Variants in DHX9 observed in about 807,000 individuals in gnomAD.
The protein encoded by DHX9 is ATP-dependent RNA helicase A.
A neutral mutation model predicts 148.7 loss-of-function variants in DHX9; 27 were observed. The observed-to-expected ratio is 0.18, with a 90% CI of 0.13 to 0.25. DHX9 has a LOEUF of 0.25. DHX9 is among the 10% of genes least tolerant of loss of function. The pLI, the probability that DHX9 is intolerant of heterozygous loss-of-function variation, is 1.00. For synonymous variants in DHX9, 529 were observed against 516.6 expected, an observed-to-expected ratio of 1.02 and a Z score of -0.33; for missense variants, 796 against 1,559.6, an observed-to-expected ratio of 0.51 and a Z score of 8.25.
rs749550767 is a variant in DHX9 at position 182,854,026 on chromosome 1, A to G, written c.478-4A>G. 2.4e-5 allele frequency: 39 copies of G among 1,609,388 alleles called. No individual in the cohort carries two copies. The Admixed American group carries it at 4.2e-4, about 17-fold the overall frequency. On this transcript the variant is annotated splice_polypyrimidine_tract_variant and splice_region_variant and intron_variant, in intron 5 of 27. Coordinates refer to ENST00000367549, the MANE Select transcript of DHX9 (RefSeq NM_001357.5). The stretch of plus-strand genomic sequence containing the variant: ...GCCAAATTTAATTATCATTGATTCT[A>G]CAGACTCTAGAATCAGAAGAAGTGG...
At chr1:182,857,051 A>G (rs1389891602) in intron 7 of DHX9, among the ~76,000 whole-genome samples, 4 of 152,112 alleles carry the variant, frequency 2.6e-5, no homozygotes. Context: ...GGGTTTCACC[A>G]TGTTAGCAGA....
intron 4 of DHX9, 128 bp from the exon 5 acceptor site, chr1:182,853,178 G>C: frequency 1.6e-6 from 1 of 638,630 alleles, no homozygotes; most frequent in Non-Finnish European, 2.7e-6. Context: ...ACCCACCTCA[G>C]CGTCCGGAAG....
At chr1:182,867,408 G>GTTTTGTTT (rs1319247226) in intron 14 of DHX9, among the ~76,000 whole-genome samples, 1 of 151,828 alleles carries the variant, frequency 6.6e-6, no homozygotes, top group Non-Finnish European at 1.5e-5. Flanking sequence ...ATCGTTTTTT[G>GTTTTGTTT]TTTTGTTTTT....
At chr1:182,876,796 T>C (rs933223502) in intron 18 of DHX9, 34 bp from the exon 19 acceptor site, 2 of 1,504,740 alleles carry the variant, frequency 1.3e-6, no homozygotes, top group South Asian at 1.2e-5. Context: ...CTAATAAGAA[T>C]ATTTTCTGGA....
Position 182,866,168 on chromosome 1 carries a change from C to T in DHX9, c.1333-276C>T, listed in dbSNP as rs796783170. On this transcript the variant is annotated intron_variant, in intron 12 of 27. Coordinates refer to ENST00000367549, the MANE Select transcript of DHX9 (RefSeq NM_001357.5). ...TCGGTTACAAAAACAAACCCCCCTACGTATGCTGTGCCCTGTTTCCTACTG... is the reference window on the plus strand; with the variant it reads ...TCGGTTACAAAAACAAACCCCCCTATGTATGCTGTGCCCTGTTTCCTACTG... Among the ~76,000 whole-genome samples, 10 of 152,298 alleles carry T rather than the reference C, an allele frequency of 6.6e-5. 1 individual carries two copies. The highest frequency in any genetic ancestry group is 2.4e-4 in the African/African-American group (10 of 41,584).
intron 3 of DHX9, among the ~76,000 whole-genome samples, chr1:182,851,359 A>G (rs555173185): frequency 6.6e-6 from 1 of 152,316 alleles, no homozygotes; most frequent in South Asian, 2.1e-4. Context: ...ATGATCATAG[A>G]CTATTTAGAT....
At chr1:182,842,984 G>A (rs1020807728) in intron 2 of DHX9, among the ~76,000 whole-genome samples, 6 of 152,148 alleles carry the variant, frequency 3.9e-5, no homozygotes, top group Admixed American at 6.5e-5. Flanking sequence ...AGCAATTCTT[G>A]ATTGCTTCAA....
intron 4 of DHX9, 60 bp downstream of exon 4, chr1:182,852,404 A>T: frequency 8.2e-7 from 1 of 1,219,580 alleles, no homozygotes; most frequent in South Asian, 1.5e-5. Flanking sequence ...CTTGATCACC[A>T]TCTCTGTTTC....
At chr1:182,867,546 GTGCCCACCACCA>G (rs1472546109) in intron 14 of DHX9, among the ~76,000 whole-genome samples, 1 of 152,096 alleles carries the variant, frequency 6.6e-6, no homozygotes, top group Non-Finnish European at 1.5e-5. Flanking sequence ...GGGACTGCAG[GTGCCCACCACCA>G]TGCCCGACTG....
intron 14 of DHX9, among the ~76,000 whole-genome samples, chr1:182,871,990 G>A (rs1018092612): frequency 3.3e-5 from 5 of 151,996 alleles, no homozygotes; most frequent in Admixed American, 1.3e-4. Flanking sequence ...ATTTTTAGTC[G>A]AGACAGGATT....
chr1:182,862,382 A>T (rs1668377919), intron 12 of DHX9, among the ~76,000 whole-genome samples: 1 of 152,190 alleles, frequency 6.6e-6, no homozygotes, highest in Non-Finnish European at 1.5e-5. Flanking sequence ...AAGCCACTTA[A>T]AACCTGTGGG....
At chr1:182,878,246 G>A in intron 20 of DHX9, 73 bp downstream of exon 20, 2 of 1,510,134 alleles carry the variant, frequency 1.3e-6, no homozygotes, top group East Asian at 2.3e-5. Context: ...GTGCAGTTAT[G>A]TAAACCTGCC....
At chr1:182,840,782 G>A (rs374494700) in intron 1 of DHX9, among the ~76,000 whole-genome samples, 1 of 152,194 alleles carries the variant, frequency 6.6e-6, no homozygotes, top group Non-Finnish European at 1.5e-5. Context: ...TTCTACAAGG[G>A]ATAGCTATGG....
intron 11 of DHX9, 143 bp downstream of exon 11, chr1:182,859,260 C>G (rs1490098751): frequency 9.5e-6 from 6 of 634,078 alleles, no homozygotes; most frequent in Non-Finnish European, 1.6e-5. Flanking sequence ...CCTAGTTACC[C>G]CTGAAGTTAG....
At chr1:182,865,800 C>T (rs970180228) in intron 12 of DHX9, among the ~76,000 whole-genome samples, 6 of 152,168 alleles carry the variant, frequency 3.9e-5, no homozygotes, top group Non-Finnish European at 7.4e-5. Flanking sequence ...AAGTAAAGAT[C>T]GTTTTTGTAC....
intron 14 of DHX9, among the ~76,000 whole-genome samples, chr1:182,871,336 T>G (rs532775418): frequency 1.1e-4 from 17 of 152,328 alleles, no homozygotes; most frequent in Middle Eastern, 3.4e-3. Flanking sequence ...AACAAGACAC[T>G]GCTTTATATC....
chr1:182,873,548 A>G (rs1011331266), intron 15 of DHX9, among the ~76,000 whole-genome samples: 8 of 152,212 alleles, frequency 5.3e-5, no homozygotes, highest in African/African-American at 1.9e-4. Context: ...AAGAGAAGTT[A>G]AGGATAAGTG....
Position 182,870,325 on chromosome 1 carries a change from A to G in DHX9, c.1558-2012A>G, listed in dbSNP as rs559151963. Among the ~76,000 whole-genome samples, 149 of 152,262 alleles carry G rather than the reference A, an allele frequency of 9.8e-4. 1 individual carries two copies. Among genetic ancestry groups the G allele is most frequent in the South Asian group, 2.1e-3 (10 of 4,822 alleles). On this transcript the variant is annotated intron_variant, in intron 14 of 27. Coordinates refer to ENST00000367549, the MANE Select transcript of DHX9 (RefSeq NM_001357.5). ...CTTGATGAGGTGATTATAAATACTT[A>G]AAAAGATAGATTTATGGCCCCAAAT...
At chr1:182,844,654 C>T (rs1384716229) in intron 3 of DHX9, among the ~76,000 whole-genome samples, 1 of 152,250 alleles carries the variant, frequency 6.6e-6, no homozygotes, top group Admixed American at 6.5e-5. Flanking sequence ...CTGCCTCAGT[C>T]TCCTAAGTAG....
Sources: allele counts gnomAD v4.1 joint callset (sites outside exome capture counted in the v4.1 genomes callset), GRCh38; gene constraint gnomAD v4.1.1; transcripts MANE v1.5; gene names NCBI Gene and HGNC (gene_info 2026-07-23, HGNC 2026-07-21).